Variants in MAL2 observed in about 807,000 individuals in gnomAD.
MAL2 encodes the protein mal, T cell differentiation protein 2.
MAL2 carries 17 observed loss-of-function variants against 18.1 expected under a neutral mutation model. The observed-to-expected ratio is 0.94, with a 90% confidence interval of 0.64 to 1.41. The LOEUF is 1.41. Among genes scored for constraint, MAL2 ranks in the 40% most tolerant of loss-of-function variants. The pLI is 0.00. For synonymous variants in MAL2, 102 were observed against 102.3 expected, an observed-to-expected ratio of 1.00 and a Z score of 0.02; for missense variants, 222 against 231.9, an observed-to-expected ratio of 0.96 and a Z score of 0.28.
chr8:119,230,078 A>G (rs1817684941), intron 2 of MAL2, among the ~76,000 whole-genome samples: 1 of 152,162 alleles, frequency 6.6e-6, no homozygotes, highest in Non-Finnish European at 1.5e-5. Flanking sequence ...ATGCCTGGCC[A>G]CTGGTGTCAA....
intron 3 of MAL2, 41 bp downstream of exon 3, chr8:119,240,361 C>G: frequency 6.3e-7 from 1 of 1,597,086 alleles, no homozygotes; most frequent in Non-Finnish European, 8.6e-7. Context: ...ACCAGCACTT[C>G]CGCTCCACTG....
intron 1 of MAL2, among the ~76,000 whole-genome samples, chr8:119,211,078 C>T (rs1194516276): frequency 1.3e-5 from 2 of 152,194 alleles, no homozygotes; most frequent in Non-Finnish European, 2.9e-5. Context: ...TTAGAATACT[C>T]ATCTTGAGTG....
rs571377925 is a variant in MAL2 at position 119,240,070 on chromosome 8, G to A, written c.304-95G>A. On this transcript the variant is annotated intron_variant, in intron 2 of 3. Coordinates refer to ENST00000614891, the MANE Select transcript of MAL2 (RefSeq NM_052886.3). ...TATAGTTAAGATTGTTTAATTAAAT[G>A]TTTTGATCTTGCTAAACCTAAACTT... 195 of 1,275,186 alleles carry A rather than the reference G, an allele frequency of 1.5e-4. 2 individuals carry two copies. The South Asian group carries it at 2.5e-3, about 16-fold the overall frequency. 79.0% of individuals were successfully genotyped at this position (1,275,186 alleles called of 1,614,324 possible).
intron 2 of MAL2, among the ~76,000 whole-genome samples, chr8:119,229,844 C>T (rs754026123): frequency 2.6e-5 from 4 of 152,170 alleles, no homozygotes; most frequent in African/African-American, 4.8e-5. Context: ...GGAAACCACT[C>T]TTCCCTGTGG....
At chr8:119,233,648 G>C (rs536014001) in intron 2 of MAL2, among the ~76,000 whole-genome samples, 12 of 152,186 alleles carry the variant, frequency 7.9e-5, no homozygotes, top group African/African-American at 2.9e-4. Flanking sequence ...TCTCTGAATA[G>C]ACCAATAACA....
chr8:119,227,367 A>G (rs1166437764), intron 2 of MAL2, among the ~76,000 whole-genome samples: 1 of 151,600 alleles, frequency 6.6e-6, no homozygotes, highest in East Asian at 1.9e-4. Context: ...AAAGAAAATA[A>G]AAGAGGAAGT....
At chr8:119,211,940 G>A (rs533290721) in intron 1 of MAL2, among the ~76,000 whole-genome samples, 4 of 152,124 alleles carry the variant, frequency 2.6e-5, no homozygotes, top group Non-Finnish European at 4.4e-5. Flanking sequence ...ATCACTCATC[G>A]GGTATTTACT....
intron 2 of MAL2, among the ~76,000 whole-genome samples, chr8:119,234,280 G>A (rs201158465): frequency 1.5e-3 from 230 of 152,274 alleles, no homozygotes; most frequent in African/African-American, 4.9e-3. Context: ...CCACGAGATT[G>A]TATCCCACAC....
At position 119,208,890 on chromosome 8, in the gene MAL2, A is replaced by G. The variant is rs1817227814; in HGVS notation, c.132+286A>G. 6 of 282,882 alleles carry G rather than the reference A, an allele frequency of 2.1e-5. No homozygotes were observed. The East Asian group carries it at 4.0e-4, about 19-fold the overall frequency. The allele number at this position is 282,882 out of a possible 1,614,324, so 17.5% of individuals were successfully genotyped here. On this transcript the variant is annotated intron_variant, in intron 1 of 3. Coordinates refer to ENST00000614891, the MANE Select transcript of MAL2 (RefSeq NM_052886.3). This position sits in a 1 kb window ranked among gnomAD's most constrained non-coding sequence, Gnocchi z 4.3. ...GCCGAACATTGGGGACGTGGAGGAAAGAAAGGTGTTGGGGCTCAGAGGCGC... is the reference window on the plus strand; with the variant it reads ...GCCGAACATTGGGGACGTGGAGGAAGGAAAGGTGTTGGGGCTCAGAGGCGC...
chr8:119,243,732 C>T lies in MAL2; in HGVS notation c.*244C>T. 1 of 347,336 alleles carries T rather than the reference C, an allele frequency of 2.9e-6. No homozygotes were observed. Among genetic ancestry groups the T allele is most frequent in the Non-Finnish European group, 5.2e-6 (1 of 194,142 alleles). 21.5% of individuals were successfully genotyped at this position (347,336 alleles called of 1,614,324 possible). ...TTTCCCTTTCCCCCTTTATTTTCCT[C>T]CTTTTCTTTCTGAAAGTTTCCTTTT... is the stretch of plus-strand genomic sequence containing the variant. On this transcript the variant is annotated 3_prime_UTR_variant, in exon 4 of 4. Coordinates refer to ENST00000614891, the MANE Select transcript of MAL2 (RefSeq NM_052886.3).
chr8:119,212,201 A>G (rs890614969), intron 1 of MAL2, among the ~76,000 whole-genome samples: 1 of 152,228 alleles, frequency 6.6e-6, no homozygotes. Context: ...GCTCTCAATG[A>G]GCTTATCTTG....
At chr8:119,234,871 T>G (rs199727425) in intron 2 of MAL2, among the ~76,000 whole-genome samples, 14,460 of 150,872 alleles carry the variant, frequency 0.096, 2,122 homozygotes, top group African/African-American at 0.32. Flanking sequence ...AAACAGAACA[T>G]AAAAACTGGA....
chr8:119,216,048 A>G (rs1219713121), intron 1 of MAL2, among the ~76,000 whole-genome samples: 1 of 152,122 alleles, frequency 6.6e-6, no homozygotes, highest in Non-Finnish European at 1.5e-5. Context: ...ACACTTCTAT[A>G]ACCATGATGT....
chr8:119,208,408 G>A lies in MAL2; in HGVS notation c.-65G>A, dbSNP rs1487062563. The A allele has an allele frequency of 4.3e-6, 4 of 934,090 alleles. No homozygotes were observed. The highest frequency in any genetic ancestry group is 4.9e-4 in the Middle Eastern group (1 of 2,040). 57.9% of individuals were successfully genotyped at this position (934,090 alleles called of 1,614,324 possible). ...TGAGCGGCGGCGGCGGCGGCGGCAG[G>A]AGCCCGGGAGGCGGAGGCGGGAGGC... On this transcript the variant is annotated 5_prime_UTR_variant, in exon 1 of 4. Coordinates refer to ENST00000614891, the MANE Select transcript of MAL2 (RefSeq NM_052886.3). This position sits in a 1 kb window ranked among gnomAD's most constrained non-coding sequence, Gnocchi z 4.3.
chr8:119,241,952 G>C (rs903567343), intron 3 of MAL2, among the ~76,000 whole-genome samples: 7 of 152,110 alleles, frequency 4.6e-5, no homozygotes, highest in African/African-American at 1.7e-4. Flanking sequence ...TATCATCCCT[G>C]AGGATGATAG....
intron 3 of MAL2, among the ~76,000 whole-genome samples, chr8:119,240,710 A>G (rs1818030122): frequency 6.6e-6 from 1 of 152,148 alleles, no homozygotes; most frequent in Non-Finnish European, 1.5e-5. Context: ...TATTGAATGA[A>G]TAGTTACTGT....
At chr8:119,215,358 A>G (rs187021722) in intron 1 of MAL2, 1 of 152,290 alleles carries the variant, frequency 6.6e-6, no homozygotes, top group Non-Finnish European at 1.5e-5. Flanking sequence ...CTCCTAGAGC[A>G]TTCTCTTTTG....
At chr8:119,211,766 C>T (rs893560000) in intron 1 of MAL2, among the ~76,000 whole-genome samples, 14 of 145,908 alleles carry the variant, frequency 9.6e-5, no homozygotes, top group Non-Finnish European at 2.1e-4. Flanking sequence ...ATTGTCAGCT[C>T]TTTGGTTTTG....
At chr8:119,231,022 G>GTTTGTT (rs1563774333) in intron 2 of MAL2, among the ~76,000 whole-genome samples, 25 of 151,222 alleles carry the variant, frequency 1.7e-4, no homozygotes, top group Non-Finnish European at 3.1e-4. Flanking sequence ...TGTGAGAACA[G>GTTTGTT]TTTTTTTTTT....
Sources: allele counts gnomAD v4.1 joint callset (sites outside exome capture counted in the v4.1 genomes callset), GRCh38; gene constraint gnomAD v4.1.1; non-coding constraint Gnocchi (gnomAD v3.1); transcripts MANE v1.5; gene names NCBI Gene and HGNC (gene_info 2026-07-23, HGNC 2026-07-21).